CRACD: variants seen among roughly 807,000 people sequenced by gnomAD.
CRACD encodes capping protein-inhibiting regulator of actin dynamics.
CRACD carries 56 observed loss-of-function variants against 106.8 expected under a neutral mutation model. The observed-to-expected ratio is 0.52, with a 90% CI of 0.42 to 0.66. CRACD has a LOEUF of 0.66. Ranked by LOEUF, CRACD falls within the 30% of genes least tolerant of loss-of-function variation. The pLI, the probability that CRACD is intolerant of heterozygous loss-of-function variation, is 0.00. For synonymous variants in CRACD, 754 were observed against 670.8 expected (o/e 1.12, Z -1.92); for missense variants, 1,730 against 1,623.2 (o/e 1.07, Z -1.13).
intron 8 of CRACD, 108 bp from the exon 9 acceptor site, chr4:56,323,269 G>A: frequency 1.1e-6 from 1 of 949,636 alleles, no homozygotes; most frequent in Non-Finnish European, 1.6e-6. Flanking sequence ...GGGGCCAGCT[G>A]AATATGCCAT....
intron 2 of CRACD, among the ~76,000 whole-genome samples, chr4:56,199,490 T>A (rs529132450): frequency 1.5e-4 from 23 of 152,168 alleles, no homozygotes; most frequent in Non-Finnish European, 2.5e-4. Context: ...AAGACCAGCC[T>A]GACCAACATG....
Position 56,315,219 on chromosome 4 carries a change from C to A in CRACD, c.1717C>A (p.Pro573Thr), listed in dbSNP as rs745586817. The A allele has an allele frequency of 1.4e-5, 23 of 1,593,820 alleles. No homozygotes were observed. In the South Asian group the frequency reaches 2.6e-4, roughly 18 times the overall value. The change falls in exon 8 of 11, where the codon CCA becomes ACA. Residue 573 changes from proline (P) to threonine (T), a missense_variant. Physicochemically the swap from Pro to Thr is conservative, Grantham distance 38. Around this residue, in one of 5 missense-constraint regions of CRACD, gnomAD observed 1,620 missense variants for 1,481.6 expected, o/e 1.09. Coordinates refer to ENST00000682029, the MANE Select transcript of CRACD (RefSeq NM_001393381.1). The surrounding 1 kb of genome is among the most constrained non-coding windows in gnomAD (Gnocchi z 4.1). ...GGGGCTCACCGCTGCTCCCCAGGAACCAAAGGCCCCCAAAGCCAGCCCAGT... is the reference window on the plus strand; with the variant it reads ...GGGGCTCACCGCTGCTCCCCAGGAAACAAAGGCCCCCAAAGCCAGCCCAGT... ...DTGLTAAPQE[P>T]KAPKASPVQH...
chr4:56,307,576 C>G lies in CRACD; in HGVS notation c.162C>G (p.Pro54=). The G allele has an allele frequency of 6.2e-7, 1 of 1,614,176 alleles. No individual in the cohort carries two copies. The highest frequency in any genetic ancestry group is 2.2e-5 in the East Asian group (1 of 44,876). The change falls in exon 5 of 11, where the codon CCC becomes CCG. Residue 54 remains proline, a synonymous_variant. Transcript: ENST00000682029. ...GKNIKFGQRS[P]NAIPMNKANS... is the part of the protein sequence containing the mutation. ...ATATCAAGTTTGGGCAGCGGTCACCCAATGCCATTCCCATGAATAAGGCAA... is the reference window on the plus strand; with the variant it reads ...ATATCAAGTTTGGGCAGCGGTCACCGAATGCCATTCCCATGAATAAGGCAA...
At chr4:56,052,304 T>C (rs1193991710) in intron 1 of CRACD, among the ~76,000 whole-genome samples, 2 of 152,242 alleles carry the variant, frequency 1.3e-5, no homozygotes, top group African/African-American at 2.4e-5. Flanking sequence ...ACTTTGAATG[T>C]GCAATGCATT....
intron 1 of CRACD, among the ~76,000 whole-genome samples, chr4:56,137,504 C>G (rs1735043644): frequency 6.6e-6 from 1 of 152,148 alleles, no homozygotes; most frequent in South Asian, 2.1e-4. Context: ...TCCTTTATCT[C>G]TCTTCTCTCA....
intron 1 of CRACD, among the ~76,000 whole-genome samples, chr4:56,068,980 T>C (rs1300956565): frequency 6.6e-6 from 1 of 152,038 alleles, no homozygotes; most frequent in Non-Finnish European, 1.5e-5. Context: ...GTGACTAGTG[T>C]CCCTGTGAAA....
At chr4:56,123,827 A>G (rs1734570024) in intron 1 of CRACD, among the ~76,000 whole-genome samples, 1 of 152,240 alleles carries the variant, frequency 6.6e-6, no homozygotes, top group East Asian at 1.9e-4. Flanking sequence ...GACTGTATTC[A>G]GTAAATGGTT....
intron 1 of CRACD, among the ~76,000 whole-genome samples, chr4:56,131,999 G>A (rs1292827749): frequency 1.3e-5 from 2 of 152,098 alleles, no homozygotes; most frequent in Admixed American, 6.6e-5. Context: ...CAACAACTTT[G>A]AGGGAGTTCT....
chr4:56,116,714 T>C (rs998224311), intron 1 of CRACD, among the ~76,000 whole-genome samples: 6 of 152,220 alleles, frequency 3.9e-5, no homozygotes, highest in African/African-American at 1.4e-4. Flanking sequence ...TTTTCATTTA[T>C]TTATTTATTT....
intron 2 of CRACD, among the ~76,000 whole-genome samples, chr4:56,267,196 CT>C (rs1474243545): frequency 2.0e-5 from 3 of 151,802 alleles, no homozygotes; most frequent in Non-Finnish European, 4.4e-5. Context: ...TCTCGGCTCA[CT>C]ACAACCTCTG....
chr4:56,298,222 A>G lies in CRACD; in HGVS notation c.-8A>G. The stretch of plus-strand genomic sequence containing the variant: ...CATGATTTACCTTCCAGGTCCTTCA[A>G]CTATTCTATGGGAACCCGGGCATTT... On this transcript the variant is annotated 5_prime_UTR_variant, in exon 4 of 11. Coordinates refer to ENST00000682029, the MANE Select transcript of CRACD (RefSeq NM_001393381.1). 1.2e-6 allele frequency: 2 copies of G among 1,613,404 alleles called. No individual in the cohort carries two copies. The highest frequency in any genetic ancestry group is 1.7e-6 in the Non-Finnish European group (2 of 1,179,776).
At chr4:56,224,315 T>C (rs1739189248) in intron 2 of CRACD, among the ~76,000 whole-genome samples, 1 of 152,202 alleles carries the variant, frequency 6.6e-6, no homozygotes, top group Non-Finnish European at 1.5e-5. Context: ...ACATTTCTAT[T>C]AAGTTTACAT....
intron 1 of CRACD, among the ~76,000 whole-genome samples, chr4:56,137,761 G>A (rs1469776627): frequency 6.6e-6 from 1 of 152,198 alleles, no homozygotes; most frequent in East Asian, 1.9e-4. Context: ...GCTGAGGCAG[G>A]AGGATCACCT....
At chr4:56,112,768 C>T (rs945294276) in intron 1 of CRACD, among the ~76,000 whole-genome samples, 8 of 152,090 alleles carry the variant, frequency 5.3e-5, no homozygotes, top group Admixed American at 3.3e-4. Context: ...TCAGCTTGCC[C>T]GTTTAGTTTT....
At chr4:56,245,312 G>A (rs1034523126) in intron 2 of CRACD, among the ~76,000 whole-genome samples, 1 of 152,196 alleles carries the variant, frequency 6.6e-6, no homozygotes, top group East Asian at 1.9e-4. Flanking sequence ...CCATTGGTCT[G>A]TGGTTGCTAG....
intron 1 of CRACD, among the ~76,000 whole-genome samples, chr4:56,065,622 C>T (rs143483038): frequency 3.7e-4 from 56 of 152,232 alleles, no homozygotes; most frequent in African/African-American, 1.3e-3. Context: ...ACTTGCTGGG[C>T]TCATGGCCAG....
At chr4:56,193,216 T>C (rs2169918) in intron 2 of CRACD, among the ~76,000 whole-genome samples, 69,286 of 151,874 alleles carry the variant, frequency 0.46, 16,362 homozygotes, top group East Asian at 0.72. Flanking sequence ...TTCATTATCA[T>C]GAGAACAGCA....
At chr4:56,162,015 C>G (rs549652755) in intron 1 of CRACD, among the ~76,000 whole-genome samples, 1 of 152,050 alleles carries the variant, frequency 6.6e-6, no homozygotes, top group African/African-American at 2.4e-5. Flanking sequence ...CTGCCCGCCT[C>G]GGCCTCCCAA....
intron 1 of CRACD, among the ~76,000 whole-genome samples, chr4:56,082,798 C>A (rs1733079239): frequency 6.6e-6 from 1 of 151,196 alleles, no homozygotes; most frequent in South Asian, 2.1e-4. Context: ...ACTCAGTGCC[C>A]CCAAGAACAG....
Sources: gnomAD v4.1 joint callset for allele counts (sites outside exome capture counted in the v4.1 genomes callset) on GRCh38, gnomAD v4.1.1 for gene constraint, gnomAD v4.1.1 regional missense constraint, Gnocchi (gnomAD v3.1) non-coding constraint, MANE v1.5 for transcripts, NCBI Gene and HGNC (gene_info 2026-07-23, HGNC 2026-07-21) for gene names.